Variants in ZNF644 observed in about 807,000 individuals in gnomAD.
ZNF644 encodes zinc finger protein 644, also known as zinc finger motif enhancer binding protein 2.
Under a neutral mutation model 108.0 loss-of-function variants are expected in ZNF644, and 20 were observed. The ratio of observed to expected loss-of-function variants is 0.19; its 90% CI spans 0.13 to 0.27. The LOEUF (loss-of-function observed/expected upper bound fraction) is 0.27. Among genes scored for constraint, ZNF644 ranks in the 10% least tolerant of loss-of-function variants. ZNF644 has a pLI of 1.00. For synonymous variants in ZNF644, 542 were observed against 539.1 expected, an observed-to-expected ratio of 1.01 and a Z score of -0.08; for missense variants, 1,338 against 1,548.9, an observed-to-expected ratio of 0.86 and a Z score of 2.29.
intron 1 of ZNF644, among the ~76,000 whole-genome samples, chr1:90,995,063 A>T (rs999504742): frequency 1.3e-5 from 2 of 152,326 alleles, no homozygotes; most frequent in East Asian, 3.9e-4. Context: ...ATATGCAAAG[A>T]AAGAGGAAAA....
chr1:90,999,708 G>A (rs966918902), intron 1 of ZNF644, among the ~76,000 whole-genome samples: 1 of 152,130 alleles, frequency 6.6e-6, no homozygotes, highest in African/African-American at 2.4e-5. Context: ...AAATGTAAAT[G>A]GGCTAAATGC....
chr1:90,957,257 T>A (rs933032937), intron 2 of ZNF644, among the ~76,000 whole-genome samples: 3 of 152,186 alleles, frequency 2.0e-5, no homozygotes, highest in Non-Finnish European at 4.4e-5. Flanking sequence ...CTTTCAGAAA[T>A]GGAAGATGAG....
chr1:90,915,560 T>C lies in ZNF644; in HGVS notation c.*1238A>G, dbSNP rs1018175921. Reference sequence around the variant, plus strand: ...GTTTGTAAAGGAATCTGATTTCAGATTAAAATACCTAATTGTTTTTGGAAA... The same window carrying C: ...GTTTGTAAAGGAATCTGATTTCAGACTAAAATACCTAATTGTTTTTGGAAA... On this transcript the variant is annotated 3_prime_UTR_variant, in exon 6 of 6. Coordinates refer to ENST00000337393, the MANE Select transcript of ZNF644 (RefSeq NM_201269.3). The C allele has an allele frequency of 2.6e-5, 4 of 152,626 alleles. No individual in the cohort carries two copies. The highest frequency in any genetic ancestry group is 9.6e-5 in the African/African-American group (4 of 41,466). 9.5% of individuals were successfully genotyped at this position (152,626 alleles called of 1,614,324 possible).
At position 90,986,680 on chromosome 1, in the gene ZNF644, C is replaced by T. The variant is rs146506701; in HGVS notation, c.-17-4310G>A. ...AAATATTGTAAATATGCTGAAGAGA[C>T]ATGAACATATTTTAGAAAACTAAAC... On this transcript the variant is annotated intron_variant, in intron 1 of 5. Transcript: ENST00000337393. 6.6e-3 allele frequency among the ~76,000 whole-genome samples: 1,002 copies of T among 152,016 alleles called. 8 individuals carry two copies. The highest frequency in any genetic ancestry group is 0.022 in the African/African-American group (930 of 41,526).
intron 2 of ZNF644, among the ~76,000 whole-genome samples, chr1:90,945,269 T>C (rs1652399180): frequency 6.6e-6 from 1 of 152,066 alleles, no homozygotes; most frequent in South Asian, 2.1e-4. Flanking sequence ...CATATAATCA[T>C]ATAACCATAG....
intron 2 of ZNF644, among the ~76,000 whole-genome samples, chr1:90,944,063 G>A (rs1214959539): frequency 1.3e-5 from 2 of 152,194 alleles, no homozygotes; most frequent in Non-Finnish European, 2.9e-5. Flanking sequence ...AGGAAGCAAT[G>A]TTGCTAACGA....
In ZNF644 at chr1:90,938,804, TTTC is replaced by T. The variant is rs775979530; in HGVS notation, c.2547_2549del (p.Lys850del). On this transcript the variant is annotated inframe_deletion, in exon 3 of 6. Transcript: ENST00000337393. The surrounding 1 kb of genome is among the most constrained non-coding windows in gnomAD (Gnocchi z 4.2). ...TTTCATCTTCTGTTTCATAACTATC[TTTC>T]TTTTCAGCAGAATTAAGTTTTTGCA... The T allele has an allele frequency of 4.3e-6, 7 of 1,613,858 alleles. No individual in the cohort carries two copies. The highest frequency in any genetic ancestry group is 5.9e-6 in the Non-Finnish European group (7 of 1,179,928).
chr1:90,938,866 G>T lies in ZNF644; in HGVS notation c.2488C>A (p.Pro830Thr), dbSNP rs1651635017. ...ACAGTCATTTTATGCAAAAAATCTG[G>T]ATAGCTATCCAAGTCTTCCCCTCCA... ...SVGGEDLDSYPDFLHKMTVVV... is the reference protein window; with the variant it reads ...SVGGEDLDSYTDFLHKMTVVV... Residue 830 changes from proline to threonine, a missense_variant, in exon 3 of 6, where the codon CCA (proline) becomes ACA (threonine). Transcript: ENST00000337393. This position sits in a 1 kb window ranked among gnomAD's most constrained non-coding sequence, Gnocchi z 4.2. 6.2e-7 allele frequency: 1 copy of T among 1,613,708 alleles called. No individual in the cohort carries two copies. Among genetic ancestry groups the T allele is most frequent in the Admixed American group, 1.7e-5 (1 of 59,974 alleles).
chr1:90,946,578 A>G (rs1191014639), intron 2 of ZNF644, among the ~76,000 whole-genome samples: 3 of 152,172 alleles, frequency 2.0e-5, no homozygotes, highest in Non-Finnish European at 2.9e-5. Context: ...TATTCTTTAA[A>G]TTCACAATTA....
At chr1:90,945,081 A>C (rs1009653519) in intron 2 of ZNF644, among the ~76,000 whole-genome samples, 2 of 152,290 alleles carry the variant, frequency 1.3e-5, no homozygotes, top group Non-Finnish European at 2.9e-5. Context: ...TATAACAGAG[A>C]CATCAATACC....
At chr1:91,007,305 G>A (rs539252827) in intron 1 of ZNF644, among the ~76,000 whole-genome samples, 7 of 131,564 alleles carry the variant, frequency 5.3e-5, no homozygotes, top group Admixed American at 2.6e-4. Flanking sequence ...GCGCCACCTC[G>A]GCTCACTGCA....
chr1:90,988,207 G>A (rs1416457085), intron 1 of ZNF644, among the ~76,000 whole-genome samples: 1 of 151,918 alleles, frequency 6.6e-6, no homozygotes, highest in Admixed American at 6.6e-5. Flanking sequence ...AAAGTTAAAG[G>A]ATACAAAAAA....
chr1:90,947,752 A>G (rs771785974), intron 2 of ZNF644, among the ~76,000 whole-genome samples: 34 of 152,220 alleles, frequency 2.2e-4, no homozygotes, highest in Non-Finnish European at 3.7e-4. Context: ...TAAACCCATG[A>G]TAAATGGAAA....
At chr1:90,992,620 TG>T (rs1408894340) in intron 1 of ZNF644, among the ~76,000 whole-genome samples, 1 of 152,218 alleles carries the variant, frequency 6.6e-6, no homozygotes, top group Non-Finnish European at 1.5e-5. Flanking sequence ...TACTGAAATA[TG>T]AGTTCAGAAT....
chr1:91,012,678 A>G (rs1210190164), intron 1 of ZNF644, among the ~76,000 whole-genome samples: 1 of 152,084 alleles, frequency 6.6e-6, no homozygotes, highest in Non-Finnish European at 1.5e-5. Flanking sequence ...ATCACGGAAA[A>G]TGCTTGCATT....
chr1:90,965,952 T>C (rs916651263), intron 2 of ZNF644, among the ~76,000 whole-genome samples: 4 of 152,150 alleles, frequency 2.6e-5, no homozygotes, highest in Admixed American at 6.5e-5. Context: ...GGTTTCATCA[T>C]GTTGGCCAGG....
chr1:90,988,228 C>A (rs565825982), intron 1 of ZNF644, among the ~76,000 whole-genome samples: 1 of 152,102 alleles, frequency 6.6e-6, no homozygotes, highest in South Asian at 2.1e-4. Flanking sequence ...TAAAAGCACA[C>A]AAACATGCAA....
intron 2 of ZNF644, among the ~76,000 whole-genome samples, chr1:90,981,118 C>T (rs1192473538): frequency 6.6e-6 from 1 of 151,960 alleles, no homozygotes; most frequent in Non-Finnish European, 1.5e-5. Context: ...AAAACAAACC[C>T]TAATAAGACC....
intron 1 of ZNF644, among the ~76,000 whole-genome samples, chr1:91,000,382 A>T (rs1307600276): frequency 6.6e-6 from 1 of 152,134 alleles, no homozygotes; most frequent in East Asian, 1.9e-4. Context: ...GGATTAAGAA[A>T]CTCACTCAAA....
Sources: gnomAD v4.1 joint callset for allele counts (sites outside exome capture counted in the v4.1 genomes callset) on GRCh38, gnomAD v4.1.1 for gene constraint, Gnocchi (gnomAD v3.1) non-coding constraint, MANE v1.5 for transcripts, NCBI Gene and HGNC (gene_info 2026-07-23, HGNC 2026-07-21) for gene names.